The following GRIA1 variants were observed in gnomAD, a reference collection of about 807,000 sequenced individuals.
The protein encoded by GRIA1 is glutamate ionotropic receptor AMPA type subunit 1.
Under a neutral mutation model 99.2 loss-of-function variants are expected in GRIA1, and 31 were observed. That is an observed-to-expected ratio of 0.31 (90% CI 0.23 to 0.42). The LOEUF is 0.42. Ranked by LOEUF, GRIA1 falls within the 10% of genes least tolerant of loss-of-function variation. The pLI is 1.00. For missense variants in GRIA1, 782 were observed against 1,157.5 expected, an observed-to-expected ratio of 0.68 and a Z score of 4.71; for synonymous variants, 438 against 432.4, an observed-to-expected ratio of 1.01 and a Z score of -0.16.
intron 1 of GRIA1, chr5:153,491,374 A>G (rs1753901901): frequency 1.7e-5 from 15 of 881,704 alleles, no homozygotes; most frequent in Non-Finnish European, 2.0e-5. Context: ...GTGTGATTAT[A>G]TATTACATAT....
At chr5:153,561,814 C>A (rs1761153673) in intron 2 of GRIA1, among the ~76,000 whole-genome samples, 2 of 152,106 alleles carry the variant, frequency 1.3e-5, no homozygotes, top group Admixed American at 1.3e-4. Flanking sequence ...AAGGAGGGGG[C>A]AATCACTTCC....
chr5:153,654,013 G>T lies in GRIA1; in HGVS notation c.646-1806G>T, dbSNP rs768425121. ...GAGGTGATGGACCCCTTGTGAAATT[G>T]CTTCTTACATTTATAACACCTTTCT... On this transcript the variant is annotated intron_variant, in intron 4 of 15. Transcript: ENST00000285900. Among the ~76,000 whole-genome samples, 107 of 152,112 alleles carry T rather than the reference G, an allele frequency of 7.0e-4. 2 individuals are homozygous for T. Among genetic ancestry groups the T allele is most frequent in the Non-Finnish European group, 1.9e-4 (13 of 68,018 alleles).
intron 2 of GRIA1, among the ~76,000 whole-genome samples, chr5:153,610,736 T>C (rs1318195923): frequency 6.6e-6 from 1 of 152,264 alleles, no homozygotes; most frequent in African/African-American, 2.4e-5. Context: ...AAAGTGCTAC[T>C]TTATCTCCAA....
At chr5:153,693,890 T>C (rs891311331) in intron 8 of GRIA1, among the ~76,000 whole-genome samples, 8 of 152,234 alleles carry the variant, frequency 5.3e-5, no homozygotes, top group Non-Finnish European at 1.0e-4. Context: ...AAGTGCAATG[T>C]CTGTTCAAAA....
intron 5 of GRIA1, 51 bp from the exon 6 acceptor site, chr5:153,674,449 T>C: frequency 6.2e-7 from 1 of 1,603,804 alleles, no homozygotes; most frequent in Admixed American, 1.7e-5. Context: ...CAGGTTAAGT[T>C]GATTTATCCA....
At chr5:153,527,954 T>C (rs1462473137) in intron 2 of GRIA1, among the ~76,000 whole-genome samples, 1 of 152,222 alleles carries the variant, frequency 6.6e-6, no homozygotes, top group Non-Finnish European at 1.5e-5. Context: ...TAAAGCTTAG[T>C]GCACACAATT....
At chr5:153,753,570 G>A (rs149529411) in intron 11 of GRIA1, among the ~76,000 whole-genome samples, 119 of 152,088 alleles carry the variant, frequency 7.8e-4, no homozygotes, top group Middle Eastern at 3.4e-3. Context: ...TTAGGTCTCC[G>A]AATTATAGTT....
chr5:153,717,718 T>C (rs1442124505), intron 11 of GRIA1, among the ~76,000 whole-genome samples: 1 of 152,226 alleles, frequency 6.6e-6, no homozygotes, highest in Non-Finnish European at 1.5e-5. Context: ...CTCAACTTCC[T>C]GTGGAGCACC....
intron 12 of GRIA1, among the ~76,000 whole-genome samples, chr5:153,767,978 A>G (rs1299463869): frequency 6.6e-6 from 1 of 152,126 alleles, no homozygotes; most frequent in Non-Finnish European, 1.5e-5. Flanking sequence ...TTTTCTGCAT[A>G]CTGTTGCCCA....
intron 2 of GRIA1, among the ~76,000 whole-genome samples, chr5:153,508,181 T>G (rs1442131386): frequency 6.6e-6 from 1 of 152,162 alleles, no homozygotes; most frequent in Non-Finnish European, 1.5e-5. Context: ...AGGACAGGCA[T>G]CACCTGAAGA....
chr5:153,510,924 G>C, intron 2 of GRIA1, among the ~76,000 whole-genome samples: 1 of 152,118 alleles, frequency 6.6e-6, no homozygotes, highest in East Asian at 1.9e-4. Flanking sequence ...TAGGTTATTT[G>C]GGGAGCATTG....
chr5:153,499,613 C>CAAAAAAAAAAAAAA (rs70976100), intron 2 of GRIA1, among the ~76,000 whole-genome samples: 1 of 42,126 alleles, frequency 2.4e-5, no homozygotes, highest in African/African-American at 9.3e-5. Flanking sequence ...GAATTTGTCT[C>CAAAAAAAAAAAAAA]AAAAAAAAAA....
At chr5:153,792,788 G>A (rs1244637853) in intron 13 of GRIA1, among the ~76,000 whole-genome samples, 1 of 152,052 alleles carries the variant, frequency 6.6e-6, no homozygotes, top group Non-Finnish European at 1.5e-5. Context: ...AACAGAGAGA[G>A]AAAGACAGAG....
intron 5 of GRIA1, among the ~76,000 whole-genome samples, chr5:153,670,443 A>C (rs78730439): frequency 6.7e-6 from 1 of 149,210 alleles, no homozygotes; most frequent in Non-Finnish European, 1.5e-5. Context: ...GATTAATTTC[A>C]TTTTTTTTTT....
At chr5:153,688,092 C>T (rs1391469842) in intron 8 of GRIA1, among the ~76,000 whole-genome samples, 1 of 152,144 alleles carries the variant, frequency 6.6e-6, no homozygotes, top group African/African-American at 2.4e-5. Context: ...GCAATGTTAC[C>T]TCTCTCTGAC....
intron 2 of GRIA1, among the ~76,000 whole-genome samples, chr5:153,498,431 A>G (rs1754649834): frequency 6.6e-6 from 1 of 152,230 alleles, no homozygotes; most frequent in Admixed American, 6.5e-5. Context: ...AAATGCCTCT[A>G]ATACAAATGA....
At chr5:153,502,069 T>G (rs1755058167) in intron 2 of GRIA1, among the ~76,000 whole-genome samples, 1 of 152,216 alleles carries the variant, frequency 6.6e-6, no homozygotes, top group African/African-American at 2.4e-5. Flanking sequence ...CAGCCCTAGC[T>G]CTTATTTTAC....
At chr5:153,725,152 T>G (rs1199976151) in intron 11 of GRIA1, among the ~76,000 whole-genome samples, 1 of 151,926 alleles carries the variant, frequency 6.6e-6, no homozygotes, top group African/African-American at 2.4e-5. Flanking sequence ...AAACTAAGCT[T>G]CATAAATGAA....
Position 153,780,564 on chromosome 5 carries a change from G to A in GRIA1, c.2270+10149G>A, listed in dbSNP as rs1359172171. Among the ~76,000 whole-genome samples the A allele has an allele frequency of 2.6e-5, 4 of 152,174 alleles. No individual in the cohort carries two copies. In the East Asian group the frequency reaches 7.7e-4, roughly 29 times the overall value. On this transcript the variant is annotated intron_variant, in intron 13 of 15. Coordinates refer to ENST00000285900, the MANE Select transcript of GRIA1 (RefSeq NM_000827.4). ...TAGATGAGATAATACAAAGTGTTTA[G>A]CACAGTGCCTGGCACATAGTAAAAT... is the stretch of plus-strand genomic sequence containing the variant.
Sources: gnomAD v4.1 joint callset for allele counts (sites outside exome capture counted in the v4.1 genomes callset) on GRCh38, gnomAD v4.1.1 for gene constraint, MANE v1.5 for transcripts, NCBI Gene and HGNC (gene_info 2026-07-23, HGNC 2026-07-21) for gene names.